The following ATP1A4 variants were observed in gnomAD, a reference collection of about 807,000 sequenced individuals.
The protein encoded by ATP1A4 is sodium/potassium-transporting ATPase subunit alpha-4.
A neutral mutation model predicts 114.3 loss-of-function variants in ATP1A4; 90 were observed. That is an observed-to-expected ratio of 0.79 (90% CI 0.66 to 0.94). The LOEUF (loss-of-function observed/expected upper bound fraction) is 0.94. Ranked by LOEUF, ATP1A4 falls within the 40% of genes least tolerant of loss-of-function variation. ATP1A4 has a pLI of 0.00. For missense variants in ATP1A4, 1,222 were observed against 1,313.6 expected, an observed-to-expected ratio of 0.93 and a Z score of 1.08; for synonymous variants, 511 against 494.1, an observed-to-expected ratio of 1.03 and a Z score of -0.45.
At chr1:160,185,026 G>A (rs1653829992) in intron 20 of ATP1A4, among the ~76,000 whole-genome samples, 1 of 152,072 alleles carries the variant, frequency 6.6e-6, no homozygotes, top group Non-Finnish European at 1.5e-5. Context: ...CTCCCTCAGC[G>A]GCTCCACAAA....
intron 20 of ATP1A4, among the ~76,000 whole-genome samples, chr1:160,185,775 C>G (rs557660010): frequency 6.6e-6 from 1 of 151,616 alleles, no homozygotes; most frequent in Non-Finnish European, 1.5e-5. Context: ...AAAAATTAGC[C>G]GGGCATGGTG....
chr1:160,155,301 ACT>A, intron 3 of ATP1A4, 53 bp downstream of exon 3: 1 of 1,499,066 alleles, frequency 6.7e-7, no homozygotes, highest in Non-Finnish European at 9.1e-7. Flanking sequence ...AGCCCCAGAC[ACT>A]CTTTTGCTCA....
At chr1:160,160,730 C>G (rs12064269) in intron 6 of ATP1A4, among the ~76,000 whole-genome samples, 4,710 of 152,148 alleles carry the variant, frequency 0.031, 249 homozygotes, top group African/African-American at 0.11. Flanking sequence ...TCTCGTGCTC[C>G]TTCCACAGAC....
In ATP1A4 at chr1:160,176,154, G is replaced by A. The variant is rs367618231; in HGVS notation, c.2374G>A (p.Glu792Lys). The part of the protein sequence containing the change: ...IMYTLTSNIP[E>K]ITPFLMFIIL... ...GTACACCCTGACCAGCAACATCCCCGAGATCACGCCCTTCCTGATGTTCAT... is the reference window on the plus strand; with the variant it reads ...GTACACCCTGACCAGCAACATCCCCAAGATCACGCCCTTCCTGATGTTCAT... The change falls in exon 16 of 22, where the codon GAG becomes AAG. Residue 792 changes from glutamate to lysine, a missense_variant. Transcript: ENST00000368081. 34 of 1,613,880 alleles carry A rather than the reference G, an allele frequency of 2.1e-5. No individual in the cohort carries two copies. The African/African-American group carries it at 3.2e-4, about 15-fold the overall frequency.
Position 160,171,668 on chromosome 1 carries a change from C to A in ATP1A4, c.1765C>A (p.Leu589Ile), listed in dbSNP as rs774141246. The change falls in exon 12 of 22, where the codon CTT becomes ATT. Residue 589 changes from leucine (L) to isoleucine (I), a missense_variant. Coordinates refer to ENST00000368081, the MANE Select transcript of ATP1A4 (RefSeq NM_144699.4). Reference sequence around the variant, plus strand: ...TGAAATAAATTTCCCCATGGACAACCTTTGTTTTGTGGGCCTCATATCCAT... The same window carrying A: ...TGAAATAAATTTCCCCATGGACAACATTTGTTTTGTGGGCCTCATATCCAT... ...TDEINFPMDN[L>I]CFVGLISMID... 3 of 1,613,996 alleles carry A rather than the reference C, an allele frequency of 1.9e-6. No homozygotes were observed. In the African/African-American group the frequency reaches 4.0e-5, roughly 22 times the overall value.
chr1:160,172,984 C>T (rs1282906239), intron 12 of ATP1A4, among the ~76,000 whole-genome samples: 1 of 152,226 alleles, frequency 6.6e-6, no homozygotes. Flanking sequence ...GAGAGATAAA[C>T]AGGCAATCAC....
At chr1:160,176,454 G>A in intron 16 of ATP1A4, 25 bp from the exon 17 acceptor site, 1 of 1,607,142 alleles carries the variant, frequency 6.2e-7, no homozygotes, top group East Asian at 2.2e-5. Flanking sequence ...TGTGACCCCT[G>A]TCATCCCCAC....
At position 160,174,199 on chromosome 1, in the gene ATP1A4, A is replaced by G; in HGVS notation, c.2080A>G (p.Ile694Val). 6.2e-7 allele frequency: 1 copy of G among 1,614,142 alleles called. No individual in the cohort carries two copies. ...TCAGATCCTCCAGAACCACCCTGAGATCGTGTTTGCTCGGACCTCCCCTCA... is the reference window on the plus strand; with the variant it reads ...TCAGATCCTCCAGAACCACCCTGAGGTCGTGTTTGCTCGGACCTCCCCTCA... ...LDQILQNHPEIVFARTSPQQK... is the reference protein window; with the variant it reads ...LDQILQNHPEVVFARTSPQQK... The change falls in exon 14 of 22, where the codon ATC (isoleucine) becomes GTC (valine). Residue 694 changes from isoleucine (I) to valine (V), a missense_variant. Physicochemically the swap from Ile to Val is conservative, Grantham distance 29. Coordinates refer to ENST00000368081, the MANE Select transcript of ATP1A4 (RefSeq NM_144699.4).
At chr1:160,163,211 T>C (rs750440531) in intron 6 of ATP1A4, among the ~76,000 whole-genome samples, 12 of 152,094 alleles carry the variant, frequency 7.9e-5, no homozygotes, top group Non-Finnish European at 1.8e-4. Flanking sequence ...CACAGAACAC[T>C]TCTGTGTCCA....
intron 12 of ATP1A4, among the ~76,000 whole-genome samples, chr1:160,172,328 G>A (rs1653294817): frequency 6.6e-6 from 1 of 152,160 alleles, no homozygotes. Context: ...AGGAGGCCTG[G>A]GGCTCTGGAC....
intron 3 of ATP1A4, 90 bp downstream of exon 3, chr1:160,155,338 C>T: frequency 1.1e-6 from 1 of 926,154 alleles, no homozygotes; most frequent in East Asian, 2.6e-5. Context: ...CTGAAGTCCT[C>T]TGGCCCAAAT....
chr1:160,178,303 C>G (rs1487906667), intron 18 of ATP1A4, among the ~76,000 whole-genome samples: 2 of 152,068 alleles, frequency 1.3e-5, no homozygotes, highest in Middle Eastern at 3.4e-3. Flanking sequence ...TGCAGTGAGC[C>G]AAGATCACGC....
At chr1:160,153,082 C>A in intron 1 of ATP1A4, 83 bp from the exon 2 acceptor site, 1 of 1,136,610 alleles carries the variant, frequency 8.8e-7, no homozygotes, top group Non-Finnish European at 1.3e-6. Flanking sequence ...TTTGGACTAA[C>A]ATTCTCCAGT....
intron 4 of ATP1A4, among the ~76,000 whole-genome samples, chr1:160,157,207 T>G (rs536123223): frequency 6.9e-6 from 1 of 144,266 alleles, no homozygotes; most frequent in East Asian, 2.0e-4. Flanking sequence ...TATTTTAGAT[T>G]CGGGGATACA....
At position 160,171,696 on chromosome 1, in the gene ATP1A4, T is replaced by A; in HGVS notation, c.1793T>A (p.Ile598Asn). The A allele has an allele frequency of 6.2e-7, 1 of 1,614,178 alleles. No individual in the cohort carries two copies. The highest frequency in any genetic ancestry group is 8.5e-7 in the Non-Finnish European group (1 of 1,180,038). ...TGTTTTGTGGGCCTCATATCCATGATTGACCCTCCCCGAGCTGCAGTGCCT... is the reference window on the plus strand; with the variant it reads ...TGTTTTGTGGGCCTCATATCCATGAATGACCCTCCCCGAGCTGCAGTGCCT... ...NLCFVGLISM[I>N]DPPRAAVPDA... The change falls in exon 12 of 22, where the codon ATT becomes AAT. Residue 598 changes from isoleucine (I) to asparagine (N), a missense_variant. Coordinates refer to ENST00000368081, the MANE Select transcript of ATP1A4 (RefSeq NM_144699.4).
In ATP1A4 at chr1:160,173,663, C is replaced by T. The variant is rs143728357; in HGVS notation, c.1937C>T (p.Thr646Met). The T allele has an allele frequency of 3.0e-4, 478 of 1,614,148 alleles. 1 individual carries two copies. The highest frequency in any genetic ancestry group is 1.3e-3 in the African/African-American group (100 of 75,032). ...GGCATCATCTCAGAAGGCACTGAGA[C>T]GGCAGAGGAAGTCGCTGCCCGGCTT... is the stretch of plus-strand genomic sequence containing the variant. ...GVGIISEGTE[T>M]AEEVAARLKI... Residue 646 changes from threonine (T) to methionine (M), a missense_variant, in exon 13 of 22, where the codon ACG (threonine) becomes ATG (methionine). Transcript: ENST00000368081.
intron 10 of ATP1A4, chr1:160,169,527 T>C (rs1203827043): frequency 1.3e-5 from 2 of 152,214 alleles, no homozygotes; most frequent in Non-Finnish European, 2.9e-5. Flanking sequence ...TAAGCATATT[T>C]TGAATGTAAC....
chr1:160,176,624 G>T, intron 17 of ATP1A4, 22 bp downstream of exon 17: 2 of 1,610,478 alleles, frequency 1.2e-6, no homozygotes, highest in Non-Finnish European at 1.7e-6. Context: ...GGAATGAGGG[G>T]TGGAGGGAGC....
Position 160,176,526 on chromosome 1 carries a change from GA to G in ATP1A4, c.2516del (p.Lys839ArgfsTer13). The G allele has an allele frequency of 6.2e-7, 1 of 1,614,186 alleles. No homozygotes were observed. Among genetic ancestry groups the G allele is most frequent in the Non-Finnish European group, 8.5e-7 (1 of 1,180,044 alleles). ...AYESAESDIM[K>X]RLPRNPKTDN... ...ATGAGTCAGCTGAAAGCGACATCATGAAGAGGCTTCCAAGGAACCCAAAGAC... is the reference window on the plus strand; with the variant it reads ...ATGAGTCAGCTGAAAGCGACATCATGAGAGGCTTCCAAGGAACCCAAAGAC... On this transcript the variant is annotated frameshift_variant, in exon 17 of 22. Coordinates refer to ENST00000368081, the MANE Select transcript of ATP1A4 (RefSeq NM_144699.4). LOFTEE classifies it high-confidence loss of function.
Sources: allele counts gnomAD v4.1 joint callset (sites outside exome capture counted in the v4.1 genomes callset), GRCh38; gene constraint gnomAD v4.1.1; transcripts MANE v1.5; gene names NCBI Gene and HGNC (gene_info 2026-07-23, HGNC 2026-07-21).